The following KLB variants were observed in gnomAD, a reference collection of about 807,000 sequenced individuals.
KLB encodes the protein beta-klotho.
A neutral mutation model predicts 88.4 loss-of-function variants in KLB; 44 were observed. That is an observed-to-expected ratio of 0.50 (90% CI 0.39 to 0.64). The LOEUF is 0.64. KLB is among the 30% of genes least tolerant of loss of function. The pLI is 0.00. For synonymous variants in KLB, 548 were observed against 513.4 expected, an observed-to-expected ratio of 1.07 and a Z score of -0.91; for missense variants, 1,137 against 1,304.8, an observed-to-expected ratio of 0.87 and a Z score of 1.98.
At chr4:39,435,417 CTGAA>C (rs1743453191) in intron 2 of KLB, among the ~76,000 whole-genome samples, 3 of 151,752 alleles carry the variant, frequency 2.0e-5, no homozygotes, top group East Asian at 3.9e-4. Context: ...CGCACCCAGC[CTGAA>C]ATTTTTTTTT....
Position 39,448,517 on chromosome 4 carries a change from T to C in KLB, c.2966T>C (p.Leu989Ser). The change falls in exon 5 of 5, where the codon TTA (leucine) becomes TCA (serine). Residue 989 changes from leucine (L) to serine (S), a missense_variant. Physicochemically the swap from Leu to Ser is moderately radical, Grantham distance 145. Transcript: ENST00000257408. Reference sequence around the variant, plus strand: ...GAAAATACAGAGTGCACTGTCTGCTTATTCCTTGTGCAGAAGAAACCACTG... The same window carrying C: ...GAAAATACAGAGTGCACTGTCTGCTCATTCCTTGTGCAGAAGAAACCACTG... ...TQENTECTVCLFLVQKKPLIF... is the reference protein window; with the variant it reads ...TQENTECTVCSFLVQKKPLIF... 1.9e-6 allele frequency: 3 copies of C among 1,614,170 alleles called. No homozygotes were observed. The highest frequency in any genetic ancestry group is 2.5e-6 in the Non-Finnish European group (3 of 1,180,006).
At chr4:39,416,154 C>T (rs1419187283) in intron 1 of KLB, among the ~76,000 whole-genome samples, 2 of 151,554 alleles carry the variant, frequency 1.3e-5, no homozygotes, top group African/African-American at 4.9e-5. Flanking sequence ...AAACATTAGT[C>T]TTTCCAGAAC....
intron 1 of KLB, among the ~76,000 whole-genome samples, chr4:39,432,478 A>C (rs996403182): frequency 6.6e-6 from 1 of 152,198 alleles, no homozygotes; most frequent in Non-Finnish European, 1.5e-5. Context: ...TTGCTCCTTC[A>C]GCTGTGGCTG....
In KLB at chr4:39,448,420, T is replaced by G. The variant is rs1469549622; in HGVS notation, c.2869T>G (p.Phe957Val). The G allele has an allele frequency of 1.9e-6, 3 of 1,614,142 alleles. No homozygotes were observed. The highest frequency in any genetic ancestry group is 2.5e-6 in the Non-Finnish European group (3 of 1,180,004). Residue 957 changes from phenylalanine to valine, a missense_variant, in exon 5 of 5, where the codon TTT (phenylalanine) becomes GTT (valine). Coordinates refer to ENST00000257408, the MANE Select transcript of KLB (RefSeq NM_175737.4). ...SDFKAKSSIQ[F>V]YNKVISSRGF... ...TTTTAAAGCTAAATCCTCAATACAA[T>G]TTTACAACAAAGTGATCAGCAGCAG...
At chr4:39,430,633 C>G (rs1324226668) in intron 1 of KLB, among the ~76,000 whole-genome samples, 6 of 126,428 alleles carry the variant, frequency 4.7e-5, no homozygotes, top group Non-Finnish European at 9.5e-5. Flanking sequence ...CAGAGTCTTG[C>G]TCTGTCACCC....
intron 1 of KLB, 68 bp from the exon 2 acceptor site, chr4:39,434,142 A>T (rs916089115): frequency 7.0e-7 from 1 of 1,423,016 alleles, no homozygotes; most frequent in African/African-American, 1.4e-5. Flanking sequence ...TGAAAAGGCC[A>T]TTTACCAGCC....
intron 2 of KLB, among the ~76,000 whole-genome samples, chr4:39,436,692 T>G (rs1333990042): frequency 6.6e-6 from 1 of 151,760 alleles, no homozygotes; most frequent in Non-Finnish European, 1.5e-5. Flanking sequence ...GGACTGCTGT[T>G]GATTTTCTTT....
rs747845850 is a variant in KLB, at chr4:39,448,407, A to G, written c.2856A>G (p.Lys952=). Residue 952 remains lysine (K), a synonymous_variant, in exon 5 of 5, where the codon AAA becomes AAG. Coordinates refer to ENST00000257408, the MANE Select transcript of KLB (RefSeq NM_175737.4). The stretch of plus-strand genomic sequence containing the variant: ...TCTTCACATCTGATTTTAAAGCTAA[A>G]TCCTCAATACAATTTTACAACAAAG... ...FGFFTSDFKA[K]SSIQFYNKVI... 7 of 1,614,066 alleles carry G rather than the reference A, an allele frequency of 4.3e-6. No individual in the cohort carries two copies. In the East Asian group the frequency reaches 1.3e-4, roughly 31 times the overall value.
intron 1 of KLB, among the ~76,000 whole-genome samples, chr4:39,430,407 T>C (rs59532474): frequency 0.72 from 82,443 of 114,632 alleles, 25,808 homozygotes; most frequent in East Asian, 0.77. Flanking sequence ...TGTTTCTAAT[T>C]AGAAAAAAAA....
At chr4:39,434,095 T>A in intron 1 of KLB, 115 bp from the exon 2 acceptor site, 1 of 985,210 alleles carries the variant, frequency 1.0e-6, no homozygotes. Context: ...CTGGCAGCTT[T>A]CCCCTGAATC....
At chr4:39,422,301 A>T (rs1224835770) in intron 1 of KLB, among the ~76,000 whole-genome samples, 1 of 152,124 alleles carries the variant, frequency 6.6e-6, no homozygotes, top group South Asian at 2.1e-4. Flanking sequence ...TGTGGGAGAG[A>T]GGGAGGTTCA....
intron 2 of KLB, among the ~76,000 whole-genome samples, chr4:39,437,342 C>T (rs910131099): frequency 2.6e-5 from 4 of 152,104 alleles, no homozygotes; most frequent in Non-Finnish European, 4.4e-5. Flanking sequence ...AGCTTATCCA[C>T]GAATAAGAAC....
rs35648143 is a variant in KLB, at chr4:39,449,320, C to CAAAAAA, written c.*645_*650dup. ...TAGGCGACAACAGCAAGACTGTGTC[C>CAAAAAA]AAAAAAAAAAAAAAAAGCAAAAGCA... On this transcript the variant is annotated 3_prime_UTR_variant, in exon 5 of 5. Transcript: ENST00000257408. 9.2e-6 allele frequency: 1 copy of CAAAAAA among 109,254 alleles called. No homozygotes were observed. The allele number at this position is 109,254 out of a possible 1,614,324, so 6.8% of individuals were successfully genotyped here. A position where few individuals can be genotyped will look rare whatever the true frequency, so the allele number is the denominator to read the frequency against.
chr4:39,438,875 C>CG (rs61502417), intron 3 of KLB, among the ~76,000 whole-genome samples: 1 of 151,942 alleles, frequency 6.6e-6, no homozygotes, highest in Non-Finnish European at 1.5e-5. Context: ...CTTCATTTTA[C>CG]GGGGGGAGGA....
Position 39,407,083 on chromosome 4 carries a change from T to C in KLB, c.134T>C (p.Ile45Thr), listed in dbSNP as rs1742744530. Reference protein sequence around the residue: ...LQRSVILSALILLRAVTGFSG... With the variant: ...LQRSVILSALTLLRAVTGFSG... ...AGATCTGTCATCCTGTCAGCACTTA[T>C]TCTGCTACGAGCTGTTACTGGATTC... The change falls in exon 1 of 5, where the codon ATT becomes ACT. Residue 45 changes from isoleucine to threonine, a missense_variant. By Grantham distance (89) the Ile-to-Thr change is moderately conservative. Transcript: ENST00000257408. 9.9e-6 allele frequency: 16 copies of C among 1,614,146 alleles called. No homozygotes were observed. The highest frequency in any genetic ancestry group is 1.3e-5 in the Non-Finnish European group (15 of 1,179,960).
intron 1 of KLB, among the ~76,000 whole-genome samples, chr4:39,422,563 C>T (rs1286758038): frequency 6.6e-6 from 1 of 152,120 alleles, no homozygotes; most frequent in Non-Finnish European, 1.5e-5. Context: ...GGAACAGTGT[C>T]CGGCACATTT....
chr4:39,411,655 G>A (rs1742852606), intron 1 of KLB, among the ~76,000 whole-genome samples: 1 of 151,690 alleles, frequency 6.6e-6, no homozygotes, highest in South Asian at 2.1e-4. Flanking sequence ...GAGTAGCTGG[G>A]ATTACAGGTG....
At chr4:39,414,930 C>T (rs1297168713) in intron 1 of KLB, among the ~76,000 whole-genome samples, 1 of 147,556 alleles carries the variant, frequency 6.8e-6, no homozygotes, top group African/African-American at 2.5e-5. Context: ...ATATAAGCAA[C>T]GTTTATCCAT....
chr4:39,414,310 A>G (rs1471036778), intron 1 of KLB, among the ~76,000 whole-genome samples: 1 of 152,118 alleles, frequency 6.6e-6, no homozygotes, highest in Non-Finnish European at 1.5e-5. Flanking sequence ...TTTAGAAAAA[A>G]AAAAAAAACA....
Sources: gnomAD v4.1 joint callset for allele counts (sites outside exome capture counted in the v4.1 genomes callset) on GRCh38, gnomAD v4.1.1 for gene constraint, MANE v1.5 for transcripts, NCBI Gene and HGNC (gene_info 2026-07-23, HGNC 2026-07-21) for gene names.